Variants in TRIOBP observed in about 807,000 individuals in gnomAD.
TRIOBP encodes the protein TRIO and F-actin-binding protein.
In TRIOBP, 169 loss-of-function variants were observed where a neutral mutation model predicts 238.8. The observed-to-expected ratio is 0.71, with a 90% CI of 0.62 to 0.80. The LOEUF (loss-of-function observed/expected upper bound fraction) is 0.80. TRIOBP is among the 30% of genes least tolerant of loss of function. The pLI, the probability that TRIOBP is intolerant of heterozygous loss-of-function variation, is 0.00. For missense variants in TRIOBP, 2,838 were observed against 3,122.6 expected (o/e 0.91, Z 2.17); for synonymous variants, 1,150 against 1,274.4 (o/e 0.90, Z 2.08).
Position 37,757,819 on chromosome 22 carries a change from C to T in TRIOBP, c.5894C>T (p.Thr1965Ile), listed in dbSNP as rs1227609009. The change falls in exon 16 of 24, where the codon ACT becomes ATT. Residue 1965 changes from threonine (T) to isoleucine (I), a missense_variant. Coordinates refer to ENST00000644935, the MANE Select transcript of TRIOBP (RefSeq NM_001039141.3). ...SPQRARTPAR[T>I]PDRLAKQEEL... ...CAGCGGGCCCGCACCCCAGCCCGCA[C>T]TCCTGACCGCCTGGCCAAGCAGGAG... The T allele has an allele frequency of 1.2e-5, 19 of 1,548,846 alleles. No individual in the cohort carries two copies. Among genetic ancestry groups the T allele is most frequent in the Non-Finnish European group, 1.7e-5 (19 of 1,145,958 alleles).
At chr22:37,726,954 C>T (rs1250502751) in intron 7 of TRIOBP, among the ~76,000 whole-genome samples, 4 of 151,394 alleles carry the variant, frequency 2.6e-5, no homozygotes, top group East Asian at 3.9e-4. Flanking sequence ...TTGCCCAGGC[C>T]GGAGCGCAAT....
chr22:37,739,647 G>A (rs988805349), intron 10 of TRIOBP, among the ~76,000 whole-genome samples: 19 of 152,290 alleles, frequency 1.2e-4, no homozygotes, highest in Admixed American at 1.1e-3. Flanking sequence ...TCCCTGCCCC[G>A]ATTTCTTGCG....
chr22:37,767,345 G>A (rs1366427123), intron 18 of TRIOBP, among the ~76,000 whole-genome samples: 1 of 151,732 alleles, frequency 6.6e-6, no homozygotes, highest in African/African-American at 2.4e-5. Flanking sequence ...AACTTTCAAT[G>A]TTCAGAAGTT....
chr22:37,753,767 T>C (rs971170501), intron 12 of TRIOBP, among the ~76,000 whole-genome samples: 1 of 152,134 alleles, frequency 6.6e-6, no homozygotes, highest in African/African-American at 2.4e-5. Context: ...TACCATCTTC[T>C]TGAGGAGAGA....
At chr22:37,709,942 C>T (rs1037552225) in intron 3 of TRIOBP, among the ~76,000 whole-genome samples, 2 of 152,244 alleles carry the variant, frequency 1.3e-5, no homozygotes, top group African/African-American at 4.8e-5. Context: ...TCAGACCTCT[C>T]CCTTCTCTCA....
chr22:37,759,751 G>A (rs1926145621), intron 17 of TRIOBP: 3 of 1,426,288 alleles, frequency 2.1e-6, no homozygotes, highest in South Asian at 1.4e-5. Context: ...GCCTAGGACA[G>A]CGGTTCTCAA....
Position 37,734,763 on chromosome 22 carries a change from C to A in TRIOBP, c.4427C>A (p.Ala1476Glu). Reference sequence around the variant, plus strand: ...GGGGCAGCCAAAGCCCCGGAGGGAGCATGGGGGGGCACTTCCAGGGAGTAC... The same window carrying A: ...GGGGCAGCCAAAGCCCCGGAGGGAGAATGGGGGGGCACTTCCAGGGAGTAC... ...SLGAAKAPEG[A>E]WGGTSREYKE... is the part of the protein sequence containing the mutation. The change falls in exon 9 of 24, where the codon GCA becomes GAA. Residue 1476 changes from alanine to glutamate, a missense_variant. Coordinates refer to ENST00000644935, the MANE Select transcript of TRIOBP (RefSeq NM_001039141.3). 6.2e-7 allele frequency: 1 copy of A among 1,612,044 alleles called. No homozygotes were observed. Among genetic ancestry groups the A allele is most frequent in the South Asian group, 1.1e-5 (1 of 91,012 alleles).
intron 12 of TRIOBP, 137 bp from the exon 13 acceptor site, chr22:37,754,740 G>A (rs1244772449): frequency 1.2e-6 from 1 of 812,158 alleles, no homozygotes; most frequent in East Asian, 2.6e-5. Flanking sequence ...GCTCAGAGAG[G>A]AAATGGAGGG....
Position 37,734,484 on chromosome 22 carries a change from C to G in TRIOBP, c.4148C>G (p.Pro1383Arg). Reference protein sequence around the residue: ...PPHPWSPEKRPEGDRQLQGSP... With the variant: ...PPHPWSPEKRREGDRQLQGSP... ...CATCCTTGGAGTCCTGAGAAGAGAC[C>G]TGAGGGAGATCGGCAGCTCCAGGGG... Residue 1383 changes from proline (P) to arginine (R), a missense_variant, in exon 9 of 24, where the codon CCT becomes CGT. Physicochemically the swap from Pro to Arg is moderately radical, Grantham distance 103. Around this residue, in one of 5 missense-constraint regions of TRIOBP, gnomAD observed 2,096 missense variants for 2,137.4 expected, o/e 0.98. Coordinates refer to ENST00000644935, the MANE Select transcript of TRIOBP (RefSeq NM_001039141.3). 1 of 1,612,462 alleles carries G rather than the reference C, an allele frequency of 6.2e-7. No individual in the cohort carries two copies. The highest frequency in any genetic ancestry group is 1.6e-4 in the Middle Eastern group (1 of 6,062).
At chr22:37,755,476 T>G in intron 14 of TRIOBP, 74 bp from the exon 15 acceptor site, 15 of 1,388,052 alleles carry the variant, frequency 1.1e-5, no homozygotes, top group Non-Finnish European at 1.5e-5. Context: ...AGGGCCACCC[T>G]CCCTGGGGTC....
chr22:37,747,901 C>T (rs1167884487), intron 11 of TRIOBP, among the ~76,000 whole-genome samples: 1 of 152,194 alleles, frequency 6.6e-6, no homozygotes, highest in African/African-American at 2.4e-5. Context: ...GGGGGCAGCA[C>T]GTGCTGAGCA....
At chr22:37,706,113 G>A (rs1331511836) in intron 3 of TRIOBP, among the ~76,000 whole-genome samples, 1 of 152,112 alleles carries the variant, frequency 6.6e-6, no homozygotes, top group Non-Finnish European at 1.5e-5. Flanking sequence ...TGGGGGTGAG[G>A]GAGGGGAGAA....
intron 11 of TRIOBP, among the ~76,000 whole-genome samples, chr22:37,742,754 G>T (rs1347880617): frequency 1.3e-5 from 2 of 152,210 alleles, no homozygotes; most frequent in Admixed American, 1.3e-4. Flanking sequence ...GAGCGAAGCA[G>T]GGAAAGCACT....
chr22:37,738,572 A>T, intron 9 of TRIOBP, 70 bp from the exon 10 acceptor site: 1 of 1,439,214 alleles, frequency 6.9e-7, no homozygotes, highest in African/African-American at 1.4e-5. Flanking sequence ...GAATGGATGG[A>T]TGAGGTGGAC....
rs758538862 is a variant in TRIOBP at position 37,734,423 on chromosome 22, G to C, written c.4087G>C (p.Ala1363Pro). 6.8e-6 allele frequency: 11 copies of C among 1,613,210 alleles called. No homozygotes were observed. The highest frequency in any genetic ancestry group is 9.3e-6 in the Non-Finnish European group (11 of 1,179,932). The change falls in exon 9 of 24, where the codon GCA becomes CCA. Residue 1363 changes from alanine (A) to proline (P), a missense_variant. Ala to Pro is a conservative substitution (Grantham distance 27). Around this residue, in one of 5 missense-constraint regions of TRIOBP, gnomAD observed 2,096 missense variants for 2,137.4 expected, o/e 0.98. Transcript: ENST00000644935. ...RQVTMLPAKQAELTRRSQAEP... is the reference protein window; with the variant it reads ...RQVTMLPAKQPELTRRSQAEP... ...GGTGACCATGCTCCCTGCCAAACAG[G>C]CAGAACTGACCCGGCGGAGCCAAGC...
chr22:37,715,800 C>T lies in TRIOBP; in HGVS notation c.494C>T (p.Pro165Leu), dbSNP rs1329458821. The T allele has an allele frequency of 3.7e-6, 6 of 1,613,978 alleles. No individual in the cohort carries two copies. The East Asian group carries it at 1.1e-4, about 30-fold the overall frequency. Residue 165 changes from proline to leucine, a missense_variant, in exon 6 of 24, where the codon CCC becomes CTC. Pro to Leu is a moderately conservative substitution (Grantham distance 98). Coordinates refer to ENST00000644935, the MANE Select transcript of TRIOBP (RefSeq NM_001039141.3). ...GTTGAGAGGCAGGAGGAGGAGGCCC[C>T]CAGCTGGGACGAGCTCGCAGTGATG... is the stretch of plus-strand genomic sequence containing the variant. Reference protein sequence around the residue: ...DTVERQEEEAPSWDELAVMIP... With the variant: ...DTVERQEEEALSWDELAVMIP...
In TRIOBP at chr22:37,725,564, C is replaced by T. The variant is rs1924095060; in HGVS notation, c.3008C>T (p.Pro1003Leu). The T allele has an allele frequency of 6.2e-7, 1 of 1,613,816 alleles. No individual in the cohort carries two copies. The highest frequency in any genetic ancestry group is 2.2e-5 in the East Asian group (1 of 44,884). The change falls in exon 7 of 24, where the codon CCC (proline) becomes CTC (leucine). Residue 1003 changes from proline to leucine, a missense_variant. By Grantham distance (98) the Pro-to-Leu change is moderately conservative. Coordinates refer to ENST00000644935, the MANE Select transcript of TRIOBP (RefSeq NM_001039141.3). ...SPVYPAAYGA[P>L]LTSPEPSQPP... The stretch of plus-strand genomic sequence containing the variant: ...GTGTACCCCGCTGCCTATGGGGCTC[C>T]CCTGACCTCTCCTGAGCCCTCCCAG...
intron 11 of TRIOBP, among the ~76,000 whole-genome samples, chr22:37,748,647 C>A (rs1339609546): frequency 6.6e-6 from 1 of 152,042 alleles, no homozygotes; most frequent in Non-Finnish European, 1.5e-5. Context: ...GGCAGGTAAA[C>A]AGTGTATGTC....
Position 37,773,991 on chromosome 22 carries a change from C to CACACACAT in TRIOBP, c.*218_*219insTACACACA. ...GCACACATGTACACACGGATACACA[C>CACACACAT]ACACACACACACACTGCATATCTGA... On this transcript the variant is annotated 3_prime_UTR_variant, in exon 24 of 24. Transcript: ENST00000644935. The CACACACAT allele has an allele frequency of 6.6e-6, 1 of 152,082 alleles. No homozygotes were observed. 9.4% of individuals were successfully genotyped at this position (152,082 alleles called of 1,614,324 possible). A position where few individuals can be genotyped will look rare whatever the true frequency, so the allele number is the denominator to read the frequency against.
Sources: allele counts gnomAD v4.1 joint callset (sites outside exome capture counted in the v4.1 genomes callset), GRCh38; gene constraint gnomAD v4.1.1; regional missense constraint gnomAD v4.1.1; transcripts MANE v1.5; gene names NCBI Gene and HGNC (gene_info 2026-07-23, HGNC 2026-07-21).